TUG1: variants seen among roughly 807,000 people sequenced by gnomAD.
TUG1 encodes taurine up-regulated 1, also known as taurine upregulated gene 1.
chr22:30,969,722 G>C (rs1281705351), exon 1 of TUG1: 1 of 152,368 alleles, frequency 6.6e-6, no homozygotes, highest in Non-Finnish European at 1.5e-5. Context: ...GCCACCCTTC[G>C]GGGCCTGCAA....
exon 1 of TUG1, chr22:30,970,688 GGC>G (rs2041220069): frequency 6.6e-6 from 1 of 152,146 alleles, no homozygotes; most frequent in African/African-American, 2.4e-5. Context: ...TACATGTCTA[GGC>G]TGTGTGGTTG....
chr22:30,970,011 A>G (rs1295899164), exon 1 of TUG1: 2 of 152,204 alleles, frequency 1.3e-5, no homozygotes, highest in Non-Finnish European at 2.9e-5. Flanking sequence ...TTTGTAAACT[A>G]TAAAGCGTGG....
chr22:30,976,514 T>C (rs1474535693), exon 3 of TUG1: 1 of 152,234 alleles, frequency 6.6e-6, no homozygotes, highest in East Asian at 1.9e-4. Context: ...TGTGGATATT[T>C]TAGTGGAACC....
exon 3 of TUG1, chr22:30,979,271 C>T (rs2041323508): frequency 6.6e-6 from 1 of 152,088 alleles, no homozygotes; most frequent in African/African-American, 2.4e-5. Flanking sequence ...AAGGTCTATT[C>T]ACAGCTTTCT....
chr22:30,973,928 A>G (rs111743244), intron 2 of TUG1: 1 of 152,204 alleles, frequency 6.6e-6, no homozygotes, highest in South Asian at 2.1e-4. Flanking sequence ...CGTGATAGCT[A>G]CATCTGGACC....
exon 1 of TUG1, chr22:30,970,018 G>A (rs978911902): frequency 5.3e-5 from 8 of 152,200 alleles, no homozygotes; most frequent in Non-Finnish European, 1.2e-4. Context: ...ACTATAAAGC[G>A]TGGGTGTACG....
chr22:30,979,207 G>C, exon 3 of TUG1: 1 of 152,082 alleles, frequency 6.6e-6, no homozygotes, highest in Non-Finnish European at 1.5e-5. Flanking sequence ...ATAGAAAAGT[G>C]TACAGTGTGA....
At chr22:30,977,226 T>A (rs1481174561) in exon 3 of TUG1, 2 of 152,184 alleles carry the variant, frequency 1.3e-5, no homozygotes. Flanking sequence ...TCTCCATGTC[T>A]CCATGCCTCA....
intron 2 of TUG1, chr22:30,974,347 G>GAAAAAAAAA (rs3986065): frequency 7.5e-6 from 1 of 132,572 alleles, no homozygotes; most frequent in Non-Finnish European, 1.6e-5. Flanking sequence ...TCAGAAGTCT[G>GAAAAAAAAA]AAAAAAAAAA....
chr22:30,973,834 G>A (rs1238461510), intron 2 of TUG1: 1 of 152,172 alleles, frequency 6.6e-6, no homozygotes, highest in Non-Finnish European at 1.5e-5. Context: ...TACCCACAGT[G>A]TTAAAATGGC....
At chr22:30,969,712 G>C (rs1026119199) in exon 1 of TUG1, 6 of 152,410 alleles carry the variant, frequency 3.9e-5, no homozygotes, top group African/African-American at 1.2e-4. Flanking sequence ...GAGGCCTGGC[G>C]CCACCCTTCG....
At chr22:30,978,555 C>T (rs991098888) in exon 3 of TUG1, 1 of 152,302 alleles carries the variant, frequency 6.6e-6, no homozygotes, top group East Asian at 1.9e-4. Flanking sequence ...CAACCTTGAG[C>T]TTTGTGGGTG....
chr22:30,969,329 G>A (rs2041195321), exon 1 of TUG1: 1 of 152,562 alleles, frequency 6.6e-6, no homozygotes, highest in Non-Finnish European at 1.5e-5. Context: ...TCGTCGCCGG[G>A]GAGTCAGGCC....
Position 30,969,609 on chromosome 22 carries a change from C to T in TUG1, c.253C>T (p.Gln85Ter). The T allele has an allele frequency of 6.6e-6, 1 of 152,656 alleles. No homozygotes were observed. Among genetic ancestry groups the T allele is most frequent in the South Asian group, 1.8e-4 (1 of 5,446 alleles). The allele number at this position is 152,656 out of a possible 1,614,324, so 9.5% of individuals were successfully genotyped here. Residue 85 changes from glutamine (Q) to a stop codon, truncating the protein, a stop_gained, in exon 1 of 3, where the codon CAG (glutamine) becomes TAG (stop). Coordinates refer to ENST00000644773, the Ensembl canonical transcript of TUG1. LOFTEE classifies it high-confidence loss of function. The stretch of plus-strand genomic sequence containing the variant: ...CGTCCGGGTGGTCGGCGGCGGCGGG[C>T]AGCTGCTCCGCCCCGCTCCGGGGGA...
At chr22:30,977,799 A>C (rs2041306265) in exon 3 of TUG1, 2 of 152,166 alleles carry the variant, frequency 1.3e-5, no homozygotes, top group South Asian at 4.1e-4. Context: ...AAGGATTTTT[A>C]ATAGTAACAA....
chr22:30,979,015 T>G (rs1453828005), exon 3 of TUG1: 4 of 151,268 alleles, frequency 2.6e-5, no homozygotes, highest in Non-Finnish European at 5.9e-5. Flanking sequence ...ATATTTAAGA[T>G]CCCACAGAAG....
At chr22:30,974,260 C>T (rs12158502) in intron 2 of TUG1, 1 of 151,184 alleles carries the variant, frequency 6.6e-6, no homozygotes, top group Non-Finnish European at 1.5e-5. Context: ...GCCCTTCCCC[C>T]AGTCTACATT....
exon 1 of TUG1, chr22:30,970,250 T>C (rs751973520): frequency 6.6e-6 from 1 of 152,196 alleles, no homozygotes; most frequent in African/African-American, 2.4e-5. Context: ...AAGGGGGCTG[T>C]GACCCAGAAG....
chr22:30,971,626 T>C (rs2041231315), exon 1 of TUG1: 1 of 152,910 alleles, frequency 6.5e-6, no homozygotes, highest in African/African-American at 2.4e-5. Context: ...TTTTTTTTTA[T>C]TTTTGAATTT....
Sources: gnomAD v4.1 joint callset for allele counts on GRCh38, gnomAD v4.1.1 for gene constraint, MANE v1.5 for transcripts, NCBI Gene and HGNC (gene_info 2026-07-23, HGNC 2026-07-21) for gene names.